The following EGF variants were observed in gnomAD, a reference collection of about 807,000 sequenced individuals.
The protein encoded by EGF is pro-epidermal growth factor.
A neutral mutation model predicts 143.8 loss-of-function variants in EGF; 95 were observed. The ratio of observed to expected loss-of-function variants is 0.66; its 90% CI spans 0.56 to 0.78. The LOEUF is 0.78. EGF is among the 30% of genes least tolerant of loss of function. The probability of loss-of-function intolerance (pLI) is 0.00; values close to 1 mark genes in which losing one functional copy is unlikely to be tolerated. For missense variants in EGF, 1,320 were observed against 1,470.9 expected (o/e 0.90, Z 1.68); for synonymous variants, 510 against 510.5 (o/e 1.00, Z 0.01).
At chr4:109,987,938 A>G in intron 17 of EGF, 78 bp downstream of exon 17, 1 of 1,141,146 alleles carries the variant, frequency 8.8e-7, no homozygotes. Flanking sequence ...TGACTCAAAA[A>G]CTCCAGAAGG....
Position 109,964,600 on chromosome 4 carries a change from C to T in EGF, c.1575+63C>T, listed in dbSNP as rs930255293. The T allele has an allele frequency of 5.0e-6, 8 of 1,607,520 alleles. No homozygotes were observed. The African/African-American group carries it at 1.1e-4, about 22-fold the overall frequency. On this transcript the variant is annotated intron_variant, in intron 10 of 23. Coordinates refer to ENST00000265171, the MANE Select transcript of EGF (RefSeq NM_001963.6). Reference sequence around the variant, plus strand: ...TAAGGACAGAGTAGAGGATTTTATCCTAACAAATGACCTGGCCTACTTGAA... The same window carrying T: ...TAAGGACAGAGTAGAGGATTTTATCTTAACAAATGACCTGGCCTACTTGAA...
chr4:109,944,757 C>T (rs925925500), intron 4 of EGF, among the ~76,000 whole-genome samples: 1 of 152,148 alleles, frequency 6.6e-6, no homozygotes, highest in Non-Finnish European at 1.5e-5. Flanking sequence ...AGCAGAAATT[C>T]GTCATGTGAA....
chr4:110,008,356 TG>T, intron 23 of EGF, 126 bp downstream of exon 23: 53 of 1,184,718 alleles, frequency 4.5e-5, no homozygotes, highest in Middle Eastern at 2.3e-4. Flanking sequence ...GTATAAGCTA[TG>T]TGAATAGCTG....
chr4:110,004,215 T>TACACACAC lies in EGF; in HGVS notation c.3174-260_3174-253dup, dbSNP rs772189572. Reference sequence around the variant, plus strand: ...TCCCCCCAACATACATGGGCATACATACACACACACACACACACACACACA... The same window carrying TACACACAC: ...TCCCCCCAACATACATGGGCATACATACACACACACACACACACACACACACACACACA... On this transcript the variant is annotated intron_variant, in intron 21 of 23. Coordinates refer to ENST00000265171, the MANE Select transcript of EGF (RefSeq NM_001963.6). 311 of 356,970 alleles carry TACACACAC rather than the reference T, an allele frequency of 8.7e-4. 1 individual carries two copies. Among genetic ancestry groups the TACACACAC allele is most frequent in the African/African-American group, 1.9e-3 (57 of 30,698 alleles). 22.1% of individuals were successfully genotyped at this position (356,970 alleles called of 1,614,324 possible).
intron 9 of EGF, 98 bp downstream of exon 9, chr4:109,963,396 T>C (rs1746031031): frequency 1.3e-6 from 2 of 1,539,114 alleles, no homozygotes; most frequent in Non-Finnish European, 1.8e-6. Flanking sequence ...TGGTTTTGTA[T>C]TTTTGAAATG....
chr4:109,966,706 GT>G (rs1471907814), intron 10 of EGF, among the ~76,000 whole-genome samples: 1 of 152,024 alleles, frequency 6.6e-6, no homozygotes, highest in Non-Finnish European at 1.5e-5. Flanking sequence ...AACATCTGCT[GT>G]TTTTTAACTT....
chr4:109,958,592 C>CAGCTA (rs1440585361), intron 5 of EGF, among the ~76,000 whole-genome samples: 5 of 152,146 alleles, frequency 3.3e-5, no homozygotes, highest in Non-Finnish European at 7.4e-5. Context: ...ATGTTAAAAA[C>CAGCTA]AGCTAAATAG....
At chr4:109,956,643 C>G (rs1183361991) in intron 5 of EGF, among the ~76,000 whole-genome samples, 2 of 151,738 alleles carry the variant, frequency 1.3e-5, no homozygotes, top group African/African-American at 4.8e-5. Context: ...GCATATAGAA[C>G]AAGAAAAATA....
chr4:109,980,770 A>T, intron 14 of EGF, 56 bp from the exon 15 acceptor site: 1 of 1,608,980 alleles, frequency 6.2e-7, no homozygotes, highest in Non-Finnish European at 8.5e-7. Flanking sequence ...ACTTGCATTA[A>T]TGGCATCCTT....
In EGF at chr4:110,008,192, G is replaced by A; in HGVS notation, c.3332G>A (p.Gly1111Asp). The A allele has an allele frequency of 6.2e-7, 1 of 1,614,042 alleles. No homozygotes were observed. ...GAACACCAAGACCTCAAGAATGGGG[G>A]TCAACCAGTGGCTGGTGAGGATGGC... ...IKEHQDLKNG[G>D]QPVAGEDGQA... The change falls in exon 23 of 24, where the codon GGT becomes GAT. Residue 1111 changes from glycine (G) to aspartate (D), a missense_variant. Gly to Asp is a moderately conservative substitution (Grantham distance 94). Transcript: ENST00000265171.
chr4:109,946,013 A>G (rs994785830), intron 5 of EGF, among the ~76,000 whole-genome samples: 18 of 152,100 alleles, frequency 1.2e-4, no homozygotes, highest in Non-Finnish European at 2.6e-4. Flanking sequence ...AAGCTCAACA[A>G]TCCTTCCCAT....
At chr4:109,954,007 T>C (rs1264173330) in intron 5 of EGF, among the ~76,000 whole-genome samples, 1 of 152,234 alleles carries the variant, frequency 6.6e-6, no homozygotes, top group Non-Finnish European at 1.5e-5. Context: ...AAGAAAAGAC[T>C]CAATGGGCCT....
At chr4:110,002,631 C>A (rs999856891) in intron 21 of EGF, among the ~76,000 whole-genome samples, 1 of 152,092 alleles carries the variant, frequency 6.6e-6, no homozygotes, top group Non-Finnish European at 1.5e-5. Flanking sequence ...TATTTCATCA[C>A]AAAGTATAAC....
At position 110,013,663 on chromosome 4, in the gene EGF, G is replaced by T. The variant is rs891552889; in HGVS notation, c.*2208G>T. ...CCTAACTCTCATCGTCTCATTGCGC[G>T]CAACGCCTGATTGAGCTTCTGTTTG... On this transcript the variant is annotated 3_prime_UTR_variant, in exon 24 of 24. Coordinates refer to ENST00000265171, the MANE Select transcript of EGF (RefSeq NM_001963.6). 6.6e-6 allele frequency among the ~76,000 whole-genome samples: 1 copy of T among 151,866 alleles called. No individual in the cohort carries two copies. The highest frequency in any genetic ancestry group is 6.6e-5 in the Admixed American group (1 of 15,246).
In EGF at chr4:109,989,320, G is replaced by A. The variant is rs555082277; in HGVS notation, c.2734+611G>A. Among the ~76,000 whole-genome samples the A allele has an allele frequency of 9.8e-5, 15 of 152,288 alleles. 1 individual carries two copies. In the South Asian group the frequency reaches 2.1e-3, roughly 21 times the overall value. The stretch of plus-strand genomic sequence containing the variant: ...AGTTCGCGTCGTGGATGTCTCATAC[G>A]TTTCCAGGTGTCAGTAGCATCGCAT... On this transcript the variant is annotated intron_variant, in intron 18 of 23. Transcript: ENST00000265171.
intron 20 of EGF, among the ~76,000 whole-genome samples, chr4:109,996,577 G>A (rs1426213193): frequency 1.3e-5 from 2 of 152,150 alleles, no homozygotes; most frequent in Non-Finnish European, 2.9e-5. Flanking sequence ...TCTAGGAAGT[G>A]CTTTACCCAT....
chr4:109,969,168 A>G (rs1453923273), intron 11 of EGF, 49 bp downstream of exon 11: 1 of 1,610,710 alleles, frequency 6.2e-7, no homozygotes, highest in Admixed American at 1.7e-5. Flanking sequence ...GAGTGATGGG[A>G]TAGGTAATAC....
chr4:109,999,610 C>T (rs1752282453), intron 20 of EGF, 69 bp from the exon 21 acceptor site: 10 of 1,590,918 alleles, frequency 6.3e-6, no homozygotes, highest in Non-Finnish European at 8.6e-6. Flanking sequence ...CAGCTGAATA[C>T]TGAGTGTCAA....
chr4:109,981,087 C>G, intron 15 of EGF, 112 bp downstream of exon 15: 1 of 1,484,218 alleles, frequency 6.7e-7, no homozygotes, highest in Admixed American at 1.7e-5. Context: ...AAAAGTTCTC[C>G]TGTTTTTAGG....
Sources: allele counts gnomAD v4.1 joint callset (sites outside exome capture counted in the v4.1 genomes callset), GRCh38; gene constraint gnomAD v4.1.1; transcripts MANE v1.5; gene names NCBI Gene and HGNC (gene_info 2026-07-23, HGNC 2026-07-21).